Variants in MANEA observed in about 807,000 individuals in gnomAD.
MANEA encodes glycoprotein endo-alpha-1,2-mannosidase.
A neutral mutation model predicts 36.8 loss-of-function variants in MANEA; 25 were observed. The observed-to-expected ratio is 0.68, with a 90% confidence interval of 0.50 to 0.95. The LOEUF (loss-of-function observed/expected upper bound fraction) is 0.95, where lower values mean the gene tolerates loss of function less well. MANEA is among the 40% of genes least tolerant of loss of function. The pLI is 0.00. For missense variants in MANEA, 565 were observed against 558.8 expected (o/e 1.01, Z -0.11); for synonymous variants, 198 against 188.5 (o/e 1.05, Z -0.41).
chr6:95,583,914 T>C (rs1357264977), intron 1 of MANEA, among the ~76,000 whole-genome samples: 2 of 152,196 alleles, frequency 1.3e-5, no homozygotes, highest in Non-Finnish European at 2.9e-5. Context: ...AGTTTAGTGT[T>C]TCTTAAATAC....
rs944532493 is a variant in MANEA, at chr6:95,605,684, G to A, written c.732-64G>A. On this transcript the variant is annotated intron_variant, in intron 4 of 4. Transcript: ENST00000358812. ...CTGACTCCTTCATTTTCAGTAAACA[G>A]TTTTTGTCTGTGGCAAATTAGTTGT... The A allele has an allele frequency of 3.3e-5, 42 of 1,276,770 alleles. No individual in the cohort carries two copies. In the Middle Eastern group the frequency reaches 5.8e-4, roughly 18 times the overall value. 79.1% of individuals were successfully genotyped at this position (1,276,770 alleles called of 1,614,324 possible).
At position 95,607,780 on chromosome 6, in the gene MANEA, A is replaced by G. The variant is rs1769743615; in HGVS notation, c.*1375A>G. 1 of 151,650 alleles carries G rather than the reference A, an allele frequency of 6.6e-6. No homozygotes were observed. The highest frequency in any genetic ancestry group is 1.9e-4 in the East Asian group (1 of 5,186). The allele number at this position is 151,650 out of a possible 1,614,324, so 9.4% of individuals were successfully genotyped here. A position where few individuals can be genotyped will look rare whatever the true frequency, so the allele number is the denominator to read the frequency against. On this transcript the variant is annotated 3_prime_UTR_variant, in exon 5 of 5. Transcript: ENST00000358812. ...TAACTATAGTAAAAAATTAATATATATCCTATTACATAAATGTTATTTCTT... is the reference window on the plus strand; with the variant it reads ...TAACTATAGTAAAAAATTAATATATGTCCTATTACATAAATGTTATTTCTT...
intron 3 of MANEA, among the ~76,000 whole-genome samples, chr6:95,604,136 A>C (rs1033617903): frequency 1.3e-5 from 2 of 150,724 alleles, no homozygotes; most frequent in Admixed American, 1.3e-4. Context: ...ATCATGAAAA[A>C]TGTCCTTTAT....
intron 2 of MANEA, among the ~76,000 whole-genome samples, chr6:95,594,549 G>A (rs569846619): frequency 1.3e-5 from 2 of 152,254 alleles, no homozygotes; most frequent in African/African-American, 4.8e-5. Context: ...GTTGCATGTT[G>A]CTGTTGTCTT....
At chr6:95,597,019 T>G (rs1466652658) in intron 3 of MANEA, among the ~76,000 whole-genome samples, 173 bp downstream of exon 3, 1 of 151,980 alleles carries the variant, frequency 6.6e-6, no homozygotes, top group African/African-American at 2.4e-5. Context: ...CTTATCTAAA[T>G]TATATTTTAG....
At chr6:95,604,941 TC>T in intron 4 of MANEA, 38 bp downstream of exon 4, 5 of 735,774 alleles carry the variant, frequency 6.8e-6, no homozygotes, top group Non-Finnish European at 1.1e-5. Context: ...TGTTATATTA[TC>T]CAGTGATAAT....
chr6:95,586,672 GT>G lies in MANEA; in HGVS notation c.234del (p.Ser78ArgfsTer6). On this transcript the variant is annotated frameshift_variant, in exon 2 of 5. Coordinates refer to ENST00000358812, the MANE Select transcript of MANEA (RefSeq NM_024641.4). LOFTEE classifies it high-confidence loss of function. ...NSETNTKNLK[S>X]VEITMKPSKA... ...GAAACAAATACCAAGAATTTAAAAA[GT>G]GTTGAAATCACTATGAAACCTTCCA... The G allele has an allele frequency of 6.2e-7, 1 of 1,614,050 alleles. No homozygotes were observed. The highest frequency in any genetic ancestry group is 8.5e-7 in the Non-Finnish European group (1 of 1,179,990).
intron 1 of MANEA, among the ~76,000 whole-genome samples, chr6:95,584,413 G>T (rs964062594): frequency 6.6e-6 from 1 of 152,098 alleles, no homozygotes; most frequent in Admixed American, 6.5e-5. Flanking sequence ...ATAAGCGGCC[G>T]CTCTGGGAGT....
intron 2 of MANEA, among the ~76,000 whole-genome samples, chr6:95,596,210 A>G (rs1018170357): frequency 2.6e-5 from 4 of 152,130 alleles, no homozygotes; most frequent in African/African-American, 9.6e-5. Context: ...ATGAATCAGT[A>G]TAGCACAGGA....
At chr6:95,590,403 C>T (rs993910047) in intron 2 of MANEA, among the ~76,000 whole-genome samples, 1 of 152,122 alleles carries the variant, frequency 6.6e-6, no homozygotes, top group Non-Finnish European at 1.5e-5. Context: ...CCTTTGTTTT[C>T]ATCATTGTTG....
At position 95,596,859 on chromosome 6, in the gene MANEA, A is replaced by G. The variant is rs746020087; in HGVS notation, c.654+13A>G. ...ATATAACCTAAAGGTATTTTATTTTATTTTCAAGCTATACATAAGTTAATT... is the reference window on the plus strand; with the variant it reads ...ATATAACCTAAAGGTATTTTATTTTGTTTTCAAGCTATACATAAGTTAATT... On this transcript the variant is annotated intron_variant, in intron 3 of 4. Transcript: ENST00000358812. The G allele has an allele frequency of 7.5e-7, 1 of 1,326,864 alleles. No individual in the cohort carries two copies. Among genetic ancestry groups the G allele is most frequent in the Non-Finnish European group, 1.1e-6 (1 of 922,120 alleles). The allele number at this position is 1,326,864 out of a possible 1,614,324, so 82.2% of individuals were successfully genotyped here. A position where few individuals can be genotyped will look rare whatever the true frequency, so the allele number is the denominator to read the frequency against.
chr6:95,587,099 C>T lies in MANEA; in HGVS notation c.544+116C>T, dbSNP rs765014061. On this transcript the variant is annotated intron_variant, in intron 2 of 4. Transcript: ENST00000358812. ...TTATTATTAATTATATTGTTAAGCT[C>T]ATACCTCCAAATTAAACTGTATGTA... 58 of 672,744 alleles carry T rather than the reference C, an allele frequency of 8.6e-5. No individual in the cohort carries two copies. In the South Asian group the frequency reaches 1.1e-3, roughly 13 times the overall value. 41.7% of individuals were successfully genotyped at this position (672,744 alleles called of 1,614,324 possible).
rs922778382 is a variant in MANEA at position 95,607,592 on chromosome 6, T to C, written c.*1187T>C. The C allele has an allele frequency of 6.6e-6, 1 of 151,770 alleles. No homozygotes were observed. Among genetic ancestry groups the C allele is most frequent in the Admixed American group, 6.6e-5 (1 of 15,242 alleles). 9.4% of individuals were successfully genotyped at this position (151,770 alleles called of 1,614,324 possible). ...CTAATACTTTCAATTTTTTATATAG[T>C]AATATCCCCATTTTGTAAATGTTAG... is the stretch of plus-strand genomic sequence containing the variant. On this transcript the variant is annotated 3_prime_UTR_variant, in exon 5 of 5. Coordinates refer to ENST00000358812, the MANE Select transcript of MANEA (RefSeq NM_024641.4).
intron 3 of MANEA, among the ~76,000 whole-genome samples, chr6:95,601,433 G>C (rs76586862): frequency 0.094 from 14,352 of 152,188 alleles, 909 homozygotes; most frequent in Non-Finnish European, 0.14. Context: ...TGTGAGAAGA[G>C]ATAATGTATA....
rs1424750030 is a variant in MANEA at position 95,609,375 on chromosome 6, T to C, written c.*2970T>C. 2.6e-5 allele frequency: 4 copies of C among 151,794 alleles called. No individual in the cohort carries two copies. In the East Asian group the frequency reaches 7.7e-4, roughly 29 times the overall value. The allele number at this position is 151,794 out of a possible 1,614,324, so 9.4% of individuals were successfully genotyped here. ...TGTTTAACTTCCTTCTGTTTTAAGA[T>C]TGTAATTAAAAATTACTATTTTGTT... On this transcript the variant is annotated 3_prime_UTR_variant, in exon 5 of 5. Transcript: ENST00000358812.
intron 1 of MANEA, among the ~76,000 whole-genome samples, chr6:95,583,196 G>A (rs558178483): frequency 6.6e-6 from 1 of 152,254 alleles, no homozygotes; most frequent in South Asian, 2.1e-4. Context: ...TTTTATTAGA[G>A]AGGGAGGGAA....
intron 3 of MANEA, among the ~76,000 whole-genome samples, chr6:95,601,716 A>ATTTTTTTTTGTTTTTTTTT (rs1769595212): frequency 1.5e-5 from 1 of 64,968 alleles, no homozygotes; most frequent in Non-Finnish European, 2.7e-5. Flanking sequence ...AGATTCAGTG[A>ATTTTTTTTTGTTTTTTTTT]TTTTTTTTTT....
At chr6:95,588,131 A>G (rs971782668) in intron 2 of MANEA, 1 of 151,990 alleles carries the variant, frequency 6.6e-6, no homozygotes, top group Non-Finnish European at 1.5e-5. Flanking sequence ...GTGCCTGAAA[A>G]TTCTTCAGTT....
chr6:95,596,519 C>G (rs1395661408), intron 2 of MANEA, among the ~76,000 whole-genome samples: 1 of 152,086 alleles, frequency 6.6e-6, no homozygotes, highest in Non-Finnish European at 1.5e-5. Context: ...AATGTAAAGT[C>G]TGTTCACTTT....
Sources: allele counts gnomAD v4.1 joint callset (sites outside exome capture counted in the v4.1 genomes callset), GRCh38; gene constraint gnomAD v4.1.1; transcripts MANE v1.5; gene names NCBI Gene and HGNC (gene_info 2026-07-23, HGNC 2026-07-21).